Variants in YIPF7 observed in about 807,000 individuals in gnomAD.
YIPF7 encodes protein YIPF7.
In YIPF7, 35 loss-of-function variants were observed where a neutral mutation model predicts 27.2. That is an observed-to-expected ratio of 1.29 (90% CI 0.98 to 1.70). The LOEUF (loss-of-function observed/expected upper bound fraction) is 1.70, where lower values mean the gene tolerates loss of function less well. Among genes scored for constraint, YIPF7 ranks in the 40% most tolerant of loss-of-function variants. YIPF7 has a pLI of 0.00. For missense variants in YIPF7, 358 were observed against 303.7 expected (o/e 1.18, Z -1.33); for synonymous variants, 137 against 110.4 (o/e 1.24, Z -1.51).
intron 1 of YIPF7, 121 bp from the exon 2 acceptor site, chr4:44,650,222 C>T (rs1560330039): frequency 1.4e-6 from 1 of 699,284 alleles, no homozygotes; most frequent in South Asian, 1.6e-5. Context: ...AAAAGATGTC[C>T]TTTGAATGGG....
chr4:44,623,562 A>C (rs145910348), intron 5 of YIPF7, among the ~76,000 whole-genome samples: 60 of 152,352 alleles, frequency 3.9e-4, no homozygotes, highest in African/African-American at 1.4e-3. Flanking sequence ...GAACCAAAGC[A>C]AAACAAGTGA....
intron 2 of YIPF7, among the ~76,000 whole-genome samples, chr4:44,638,505 T>G (rs1002249109): frequency 5.3e-5 from 8 of 152,184 alleles, no homozygotes; most frequent in African/African-American, 1.2e-4. Flanking sequence ...AAAACCATGA[T>G]GCAATACCAC....
chr4:44,648,470 T>A (rs1403419640), intron 2 of YIPF7, among the ~76,000 whole-genome samples: 5 of 152,146 alleles, frequency 3.3e-5, no homozygotes, highest in Admixed American at 2.6e-4. Flanking sequence ...TAATTGAGGA[T>A]CCAATGAATT....
chr4:44,639,936 C>A (rs1370289471), intron 2 of YIPF7, among the ~76,000 whole-genome samples: 2 of 152,138 alleles, frequency 1.3e-5, no homozygotes, highest in Non-Finnish European at 2.9e-5. Context: ...TTTTCTGCAT[C>A]CATTGAGATA....
chr4:44,639,582 T>G (rs1255383796), intron 2 of YIPF7, among the ~76,000 whole-genome samples: 1 of 152,152 alleles, frequency 6.6e-6, no homozygotes, highest in Non-Finnish European at 1.5e-5. Flanking sequence ...ATATGTATGT[T>G]GAATTCATTT....
intron 4 of YIPF7, among the ~76,000 whole-genome samples, chr4:44,627,288 G>C (rs1385242128): frequency 1.3e-5 from 2 of 152,174 alleles, no homozygotes; most frequent in Non-Finnish European, 2.9e-5. Flanking sequence ...AGTGCTTGAA[G>C]TTGTTTTCTT....
rs531863037 is a variant in YIPF7, at chr4:44,624,151, C to T, written c.608+450G>A. Among the ~76,000 whole-genome samples, 20 of 151,294 alleles carry T rather than the reference C, an allele frequency of 1.3e-4. No homozygotes were observed. The South Asian group carries it at 1.9e-3, about 14-fold the overall frequency. On this transcript the variant is annotated intron_variant, in intron 5 of 5. Transcript: ENST00000415895. ...TGCGATCTCGGCTCACTGCAACCTC[C>T]GCCTCTGGGTTCAAGCGATTCTCCT...
At chr4:44,623,389 T>C (rs1560321706) in intron 5 of YIPF7, among the ~76,000 whole-genome samples, 2 of 152,164 alleles carry the variant, frequency 1.3e-5, no homozygotes, top group Admixed American at 1.3e-4. Context: ...AAAGTGATGA[T>C]AAAAATTGCA....
upstream of YIPF7, among the ~76,000 whole-genome samples, chr4:44,652,027 C>G (rs138361482): frequency 2.1e-4 from 32 of 152,278 alleles, no homozygotes; most frequent in African/African-American, 6.3e-4. Flanking sequence ...TCAATTTTAT[C>G]TAAATCAGAG....
At chr4:44,657,726 T>C (rs1713938658) in intron 2 of YIPF7, among the ~76,000 whole-genome samples, 1 of 152,152 alleles carries the variant, frequency 6.6e-6, no homozygotes, top group Non-Finnish European at 1.5e-5. Flanking sequence ...TCAGGCTTTG[T>C]AATAAATAGA....
At chr4:44,635,619 C>T (rs1713087905) in intron 3 of YIPF7, among the ~76,000 whole-genome samples, 1 of 152,110 alleles carries the variant, frequency 6.6e-6, no homozygotes, top group African/African-American at 2.4e-5. Flanking sequence ...AACTACTCTG[C>T]CAAAAGATGT....
chr4:44,646,221 T>C (rs1284463506), intron 2 of YIPF7, among the ~76,000 whole-genome samples: 4 of 152,200 alleles, frequency 2.6e-5, no homozygotes, highest in African/African-American at 9.7e-5. Context: ...CCGATTAAGC[T>C]TGTAAACTCA....
At chr4:44,649,047 C>A (rs907595247) in intron 2 of YIPF7, among the ~76,000 whole-genome samples, 2 of 152,026 alleles carry the variant, frequency 1.3e-5, no homozygotes, top group African/African-American at 2.4e-5. Context: ...TATTTAATTG[C>A]CCAATTCTTC....
intron 2 of YIPF7, among the ~76,000 whole-genome samples, chr4:44,659,999 A>C (rs563199666): frequency 1.3e-5 from 2 of 151,284 alleles, no homozygotes; most frequent in South Asian, 4.2e-4. Context: ...CTGTAGTCCC[A>C]GCTACTCGGG....
upstream of YIPF7, among the ~76,000 whole-genome samples, chr4:44,656,450 A>G (rs527528440): frequency 4.6e-5 from 7 of 152,200 alleles, no homozygotes; most frequent in East Asian, 1.3e-3. Flanking sequence ...GTTTCACAAC[A>G]TATCAAGATT....
intron 3 of YIPF7, 148 bp downstream of exon 3, chr4:44,635,774 A>T: frequency 2.3e-6 from 2 of 884,602 alleles, no homozygotes; most frequent in Non-Finnish European, 3.3e-6. Flanking sequence ...CCAATGGTTT[A>T]AGGGTTTTGG....
At chr4:44,652,994 G>C (rs538847330), upstream of YIPF7, among the ~76,000 whole-genome samples, 3 of 152,228 alleles carry the variant, frequency 2.0e-5, no homozygotes, top group South Asian at 6.2e-4. Flanking sequence ...TTAAGATGGA[G>C]AGTGCAAAGG....
At chr4:44,649,566 C>T (rs1203682757) in intron 2 of YIPF7, among the ~76,000 whole-genome samples, 2 of 151,698 alleles carry the variant, frequency 1.3e-5, no homozygotes, top group Non-Finnish European at 2.9e-5. Context: ...AGCTCATGAG[C>T]TCCAGGCCAG....
chr4:44,622,638 T>A, intron 5 of YIPF7, 62 bp from the exon 6 acceptor site: 3 of 1,575,372 alleles, frequency 1.9e-6, no homozygotes, highest in Non-Finnish European at 2.6e-6. Flanking sequence ...TGAGTTAAAG[T>A]TGCCTCTGAA....
Sources: gnomAD v4.1 joint callset for allele counts (sites outside exome capture counted in the v4.1 genomes callset) on GRCh38, gnomAD v4.1.1 for gene constraint, MANE v1.5 for transcripts, NCBI Gene and HGNC (gene_info 2026-07-23, HGNC 2026-07-21) for gene names.